Variants in CCBE1 observed in about 807,000 individuals in gnomAD.
CCBE1 encodes the protein collagen and calcium-binding EGF domain-containing protein 1.
In CCBE1, 37 loss-of-function variants were observed where a neutral mutation model predicts 50.0. That is an observed-to-expected ratio of 0.74 (90% CI 0.57 to 0.97). The LOEUF is 0.97. CCBE1 is among the 50% of genes least tolerant of loss of function. The probability of loss-of-function intolerance (pLI) is 0.00; values close to 1 mark genes in which losing one functional copy is unlikely to be tolerated. For synonymous variants in CCBE1, 234 were observed against 203.7 expected, an observed-to-expected ratio of 1.15 and a Z score of -1.27; for missense variants, 538 against 523.8, an observed-to-expected ratio of 1.03 and a Z score of -0.26.
intron 2 of CCBE1, among the ~76,000 whole-genome samples, chr18:59,541,561 G>T (rs959119686): frequency 1.3e-5 from 2 of 152,156 alleles, no homozygotes; most frequent in Non-Finnish European, 2.9e-5. Flanking sequence ...GAAAAGGGGG[G>T]TATAGTTCTG....
intron 2 of CCBE1, among the ~76,000 whole-genome samples, chr18:59,609,343 A>G (rs2053541962): frequency 1.3e-5 from 2 of 152,228 alleles, no homozygotes; most frequent in South Asian, 4.1e-4. Flanking sequence ...TTCCTCTTGC[A>G]TATATCACAG....
intron 2 of CCBE1, among the ~76,000 whole-genome samples, chr18:59,673,351 T>C (rs1206813187): frequency 2.0e-5 from 3 of 152,146 alleles, no homozygotes; most frequent in Non-Finnish European, 4.4e-5. Flanking sequence ...CTTGGGAAGC[T>C]GAGACAGGAG....
At chr18:59,498,980 G>A (rs1170530388) in intron 2 of CCBE1, among the ~76,000 whole-genome samples, 3 of 152,140 alleles carry the variant, frequency 2.0e-5, no homozygotes, top group Non-Finnish European at 4.4e-5. Context: ...TCCTGACTAT[G>A]GCATTTAAGA....
intron 2 of CCBE1, among the ~76,000 whole-genome samples, chr18:59,627,842 G>C (rs1450282333): frequency 6.6e-6 from 1 of 152,128 alleles, no homozygotes; most frequent in East Asian, 1.9e-4. Flanking sequence ...GACACAATTT[G>C]TTGCCTTAAG....
At chr18:59,609,286 C>T (rs773599952) in intron 2 of CCBE1, among the ~76,000 whole-genome samples, 1 of 152,214 alleles carries the variant, frequency 6.6e-6, no homozygotes, top group Non-Finnish European at 1.5e-5. Context: ...ATCTCCTGCT[C>T]ACAAATCTCT....
chr18:59,612,824 T>C (rs1277076845), intron 2 of CCBE1, among the ~76,000 whole-genome samples: 1 of 100,896 alleles, frequency 9.9e-6, no homozygotes, highest in Non-Finnish European at 2.0e-5. Context: ...GGTTTTTTTT[T>C]TGTTTTTTTT....
intron 2 of CCBE1, among the ~76,000 whole-genome samples, chr18:59,569,944 C>T (rs1207325566): frequency 6.6e-6 from 1 of 152,214 alleles, no homozygotes; most frequent in African/African-American, 2.4e-5. Flanking sequence ...GCTCCCTTTT[C>T]TTAGGCAAGT....
intron 2 of CCBE1, among the ~76,000 whole-genome samples, chr18:59,652,474 T>TC (rs869213872): frequency 2.1e-4 from 23 of 108,474 alleles, no homozygotes; most frequent in East Asian, 4.9e-4. Context: ...ACAAACTGAC[T>TC]CCCCCCCTTT....
chr18:59,491,241 G>A (rs1165157479), intron 2 of CCBE1, among the ~76,000 whole-genome samples: 1 of 152,118 alleles, frequency 6.6e-6, no homozygotes. Flanking sequence ...AAGCATCCTG[G>A]AAAGTTTCTG....
chr18:59,543,699 G>A (rs1038537465), intron 2 of CCBE1, among the ~76,000 whole-genome samples: 1 of 152,152 alleles, frequency 6.6e-6, no homozygotes, highest in South Asian at 2.1e-4. Flanking sequence ...GCCGGGTGTG[G>A]TGGCGGGCGC....
chr18:59,455,849 G>A (rs1259134064), intron 5 of CCBE1, among the ~76,000 whole-genome samples: 1 of 152,250 alleles, frequency 6.6e-6, no homozygotes, highest in Non-Finnish European at 1.5e-5. Flanking sequence ...ACCCAGGGAA[G>A]CATAAACTCT....
At chr18:59,630,547 A>C (rs935106882) in intron 2 of CCBE1, among the ~76,000 whole-genome samples, 1 of 152,120 alleles carries the variant, frequency 6.6e-6, no homozygotes, top group African/African-American at 2.4e-5. Context: ...GTGTCACTTA[A>C]CTGGCAGATG....
chr18:59,530,927 A>T (rs1598984421), intron 2 of CCBE1, among the ~76,000 whole-genome samples: 2 of 152,076 alleles, frequency 1.3e-5, no homozygotes, highest in East Asian at 3.8e-4. Context: ...ATTATTTATG[A>T]TGTTTTTTCA....
chr18:59,671,937 A>G (rs1311659273), intron 2 of CCBE1, among the ~76,000 whole-genome samples: 1 of 152,186 alleles, frequency 6.6e-6, no homozygotes, highest in Non-Finnish European at 1.5e-5. Context: ...GATAACATAC[A>G]GATGACAAAT....
At chr18:59,563,571 C>G (rs1327029525) in intron 2 of CCBE1, 1 of 152,156 alleles carries the variant, frequency 6.6e-6, no homozygotes, top group Non-Finnish European at 1.5e-5. Flanking sequence ...GGGCAAGGCC[C>G]CTGCTGGTAT....
intron 2 of CCBE1, among the ~76,000 whole-genome samples, chr18:59,663,451 T>G (rs77830071): frequency 0.021 from 3,166 of 152,298 alleles, 102 homozygotes; most frequent in African/African-American, 0.073. Context: ...GCCCCTTTCA[T>G]TTTTAAAATC....
intron 2 of CCBE1, among the ~76,000 whole-genome samples, chr18:59,609,608 A>C (rs2053544246): frequency 1.3e-5 from 2 of 152,196 alleles, no homozygotes; most frequent in South Asian, 4.1e-4. Context: ...GCCACTATTT[A>C]GTCATGGACT....
chr18:59,525,362 A>G (rs1357426823), intron 2 of CCBE1, among the ~76,000 whole-genome samples: 1 of 152,248 alleles, frequency 6.6e-6, no homozygotes, highest in Non-Finnish European at 1.5e-5. Context: ...CTTGTTGGCC[A>G]CATAAATGTC....
chr18:59,529,586 T>C (rs1052996870), intron 2 of CCBE1, among the ~76,000 whole-genome samples: 2 of 152,180 alleles, frequency 1.3e-5, no homozygotes, highest in Admixed American at 1.3e-4. Flanking sequence ...CTGCCTCCCT[T>C]GGCTGGGGGT....
Sources: gnomAD v4.1 joint callset for allele counts (sites outside exome capture counted in the v4.1 genomes callset) on GRCh38, gnomAD v4.1.1 for gene constraint, MANE v1.5 for transcripts, NCBI Gene and HGNC (gene_info 2026-07-23, HGNC 2026-07-21) for gene names.